PTPRT: variants seen among roughly 807,000 people sequenced by gnomAD.
PTPRT encodes the protein protein tyrosine phosphatase receptor type T.
Under a neutral mutation model 176.8 loss-of-function variants are expected in PTPRT, and 56 were observed. The ratio of observed to expected loss-of-function variants is 0.32; its 90% CI spans 0.26 to 0.40. The LOEUF is 0.40. Ranked by LOEUF, PTPRT falls within the 10% of genes least tolerant of loss-of-function variation. The pLI is 1.00. For missense variants in PTPRT, 1,540 were observed against 1,908.2 expected, an observed-to-expected ratio of 0.81 and a Z score of 3.60; for synonymous variants, 783 against 739.0, an observed-to-expected ratio of 1.06 and a Z score of -0.96.
In PTPRT at chr20:42,703,397, GA is replaced by G. The variant is rs570785767; in HGVS notation, c.860-25239del. ...GTAGAAAAGAAAGGAGGAAAGAAAAGAAAAAAGAGACAGAAAAGGAAATAAG... is the reference window on the plus strand; with the variant it reads ...GTAGAAAAGAAAGGAGGAAAGAAAAGAAAAAGAGACAGAAAAGGAAATAAG... On this transcript the variant is annotated intron_variant, in intron 6 of 30. Coordinates refer to ENST00000373187, the MANE Select transcript of PTPRT (RefSeq NM_007050.6). Among the ~76,000 whole-genome samples, 33 of 152,130 alleles carry G rather than the reference GA, an allele frequency of 2.2e-4. 1 individual carries two copies. The South Asian group carries it at 6.4e-3, about 30-fold the overall frequency.
At chr20:42,637,106 G>C (rs2074619827) in intron 7 of PTPRT, among the ~76,000 whole-genome samples, 2 of 152,072 alleles carry the variant, frequency 1.3e-5, no homozygotes, top group South Asian at 4.2e-4. Flanking sequence ...TAGATTGCTG[G>C]ATGCCACCCC....
chr20:42,955,011 G>C (rs570941759), intron 1 of PTPRT, among the ~76,000 whole-genome samples: 2 of 152,028 alleles, frequency 1.3e-5, no homozygotes, highest in South Asian at 4.2e-4. Context: ...GGCCAGGGAG[G>C]AGAGGGAGGA....
chr20:42,892,511 G>A (rs2079211689), intron 1 of PTPRT, among the ~76,000 whole-genome samples: 2 of 152,070 alleles, frequency 1.3e-5, no homozygotes, highest in African/African-American at 4.8e-5. Flanking sequence ...AGAAAACTGG[G>A]CTAAACCTAA....
At chr20:42,603,551 G>T (rs956960346) in intron 7 of PTPRT, among the ~76,000 whole-genome samples, 1 of 152,138 alleles carries the variant, frequency 6.6e-6, no homozygotes, top group African/African-American at 2.4e-5. Flanking sequence ...TGGGCCTTGT[G>T]GGCCATATAA....
intron 11 of PTPRT, among the ~76,000 whole-genome samples, chr20:42,316,863 C>G (rs1446038572): frequency 6.6e-6 from 1 of 152,168 alleles, no homozygotes; most frequent in Non-Finnish European, 1.5e-5. Flanking sequence ...CCAGATATGT[C>G]CAGTCTGGAT....
intron 9 of PTPRT, among the ~76,000 whole-genome samples, chr20:42,406,916 A>G (rs2058966178): frequency 6.6e-6 from 1 of 152,128 alleles, no homozygotes; most frequent in Non-Finnish European, 1.5e-5. Context: ...TTATTGTGCC[A>G]CCCAGTAGCT....
At chr20:42,439,857 C>A (rs759832525) in intron 9 of PTPRT, among the ~76,000 whole-genome samples, 3 of 152,062 alleles carry the variant, frequency 2.0e-5, no homozygotes, top group Non-Finnish European at 4.4e-5. Flanking sequence ...TAACTAGACG[C>A]CTATTTATTT....
chr20:42,767,067 T>C (rs1430466503), intron 5 of PTPRT, among the ~76,000 whole-genome samples: 1 of 152,190 alleles, frequency 6.6e-6, no homozygotes, highest in Non-Finnish European at 1.5e-5. Context: ...CAGGAGAAAC[T>C]GGCCACTGCC....
chr20:43,148,927 T>C (rs970573443), intron 1 of PTPRT, among the ~76,000 whole-genome samples: 2 of 152,176 alleles, frequency 1.3e-5, no homozygotes, highest in East Asian at 3.9e-4. Flanking sequence ...GTGCTTGAGG[T>C]AGGTCAGAGA....
chr20:42,828,538 C>A (rs778551848), intron 2 of PTPRT, among the ~76,000 whole-genome samples: 16 of 152,154 alleles, frequency 1.1e-4, no homozygotes, highest in Non-Finnish European at 2.1e-4. Context: ...GAAAGACCTT[C>A]ACAGTAGCCC....
chr20:42,723,962 T>A (rs2076340681), intron 6 of PTPRT, among the ~76,000 whole-genome samples: 1 of 152,218 alleles, frequency 6.6e-6, no homozygotes, highest in Admixed American at 6.5e-5. Context: ...TCCTGTTTGA[T>A]CTTAGTGAGT....
chr20:42,237,421 A>C (rs548932163), intron 14 of PTPRT, among the ~76,000 whole-genome samples: 1 of 152,234 alleles, frequency 6.6e-6, no homozygotes, highest in African/African-American at 2.4e-5. Context: ...TAGATCAGTA[A>C]TTTTCCAACT....
At chr20:43,105,521 C>T (rs369264706) in intron 1 of PTPRT, among the ~76,000 whole-genome samples, 120 of 152,256 alleles carry the variant, frequency 7.9e-4, no homozygotes, top group African/African-American at 2.7e-3. Flanking sequence ...ATGCCTCAGC[C>T]TCCCCAGTAG....
intron 5 of PTPRT, among the ~76,000 whole-genome samples, chr20:42,767,757 TTATA>T (rs1600715854): frequency 6.8e-6 from 1 of 146,234 alleles, no homozygotes; most frequent in Admixed American, 6.9e-5. Context: ...TATATAAAGA[TTATA>T]TATTTATATA....
chr20:42,778,596 C>G (rs904963206), intron 4 of PTPRT, among the ~76,000 whole-genome samples: 1 of 152,126 alleles, frequency 6.6e-6, no homozygotes, highest in Non-Finnish European at 1.5e-5. Flanking sequence ...GAGACTACCT[C>G]GAAACTGGAG....
intron 7 of PTPRT, among the ~76,000 whole-genome samples, chr20:42,580,940 T>G (rs1568993057): frequency 6.6e-6 from 1 of 152,138 alleles, no homozygotes; most frequent in Non-Finnish European, 1.5e-5. Flanking sequence ...TCCAACACTA[T>G]GTTGAATAGG....
chr20:42,668,975 G>A (rs2075368392), intron 7 of PTPRT, among the ~76,000 whole-genome samples: 1 of 149,562 alleles, frequency 6.7e-6, no homozygotes, highest in South Asian at 2.1e-4. Flanking sequence ...CTCCCAAAGT[G>A]CTGGGATTAC....
rs1174951681 is a variant in PTPRT, at chr20:42,802,235, T to C, written c.215-10769A>G. ...CTTTGATAACCACTGGACTAGCTGG[T>C]CTCTAATTCCCCAGCCCTGATAGGG... On this transcript the variant is annotated intron_variant, in intron 2 of 30. Transcript: ENST00000373187. 3.3e-5 allele frequency among the ~76,000 whole-genome samples: 5 copies of C among 152,294 alleles called. No homozygotes were observed. In the East Asian group the frequency reaches 7.7e-4, roughly 24 times the overall value.
At chr20:42,252,943 T>A (rs1023425911) in intron 13 of PTPRT, among the ~76,000 whole-genome samples, 4 of 152,206 alleles carry the variant, frequency 2.6e-5, no homozygotes, top group African/African-American at 4.8e-5. Context: ...ACGTGAACAT[T>A]CCCTGGGACA....
Sources: allele counts gnomAD v4.1 joint callset (sites outside exome capture counted in the v4.1 genomes callset), GRCh38; gene constraint gnomAD v4.1.1; transcripts MANE v1.5; gene names NCBI Gene and HGNC (gene_info 2026-07-23, HGNC 2026-07-21).